The following CACYBP variants were observed in gnomAD, a reference collection of about 807,000 sequenced individuals.
The protein encoded by CACYBP is calcyclin binding protein, also known as calcyclin-binding protein.
Under a neutral mutation model 29.6 loss-of-function variants are expected in CACYBP, and 11 were observed. That is an observed-to-expected ratio of 0.37 (90% CI 0.23 to 0.61). The LOEUF is 0.61. Ranked by LOEUF, CACYBP falls within the 20% of genes least tolerant of loss-of-function variation. CACYBP has a pLI of 0.65. For synonymous variants in CACYBP, 73 were observed against 88.3 expected (o/e 0.83, Z 0.97); for missense variants, 163 against 260.7 (o/e 0.63, Z 2.58).
intron 1 of CACYBP, among the ~76,000 whole-genome samples, chr1:175,002,255 C>G (rs935185787): frequency 6.6e-6 from 1 of 152,160 alleles, no homozygotes; most frequent in Non-Finnish European, 1.5e-5. Context: ...GAAAGTTTCT[C>G]CACATCATTA....
rs921379735 is a variant in CACYBP at position 175,000,023 on chromosome 1, G to T, written c.-158G>T. On this transcript the variant is annotated 5_prime_UTR_variant, in exon 1 of 6. Transcript: ENST00000367679. Reference sequence around the variant, plus strand: ...GTTCGAGATCCGTCGCGTGCGGGAGGCGGGCCGCGATCTTGCGCAGGGTCG... The same window carrying T: ...GTTCGAGATCCGTCGCGTGCGGGAGTCGGGCCGCGATCTTGCGCAGGGTCG... 9.4e-6 allele frequency: 10 copies of T among 1,063,102 alleles called. No individual in the cohort carries two copies. The highest frequency in any genetic ancestry group is 8.3e-6 in the Non-Finnish European group (6 of 720,082). The allele number at this position is 1,063,102 out of a possible 1,614,324, so 65.9% of individuals were successfully genotyped here.
chr1:175,002,747 C>A (rs6425311), intron 1 of CACYBP, among the ~76,000 whole-genome samples: 1 of 152,014 alleles, frequency 6.6e-6, no homozygotes, highest in Admixed American at 6.5e-5. Flanking sequence ...GTGGATACTT[C>A]ATAATAAAAA....
intron 5 of CACYBP, among the ~76,000 whole-genome samples, chr1:175,009,239 T>A (rs1169969320): frequency 6.6e-6 from 1 of 152,104 alleles, no homozygotes; most frequent in Non-Finnish European, 1.5e-5. Context: ...TCAGGGTACA[T>A]CCATGTGTAA....
In CACYBP at chr1:175,010,282, T is replaced by A; in HGVS notation, c.*203T>A. The A allele has an allele frequency of 2.4e-6, 1 of 416,496 alleles. No individual in the cohort carries two copies. Among genetic ancestry groups the A allele is most frequent in the Non-Finnish European group, 4.3e-6 (1 of 234,132 alleles). 25.8% of individuals were successfully genotyped at this position (416,496 alleles called of 1,614,324 possible). On this transcript the variant is annotated 3_prime_UTR_variant, in exon 6 of 6. Coordinates refer to ENST00000367679, the MANE Select transcript of CACYBP (RefSeq NM_014412.3). ...ATTAAACACTCCTGCAAAGATGGTT[T>A]TATTAGTACCCTGGTCATTTTGTTC... is the stretch of plus-strand genomic sequence containing the variant.
At chr1:175,006,718 C>T (rs371245913) in intron 2 of CACYBP, 27 bp from the exon 3 acceptor site, 8 of 1,173,454 alleles carry the variant, frequency 6.8e-6, no homozygotes, top group African/African-American at 6.0e-5. Flanking sequence ...GGCTTACTTA[C>T]GTCCCATCTT....
rs1182437312 is a variant in CACYBP at position 175,010,811 on chromosome 1, T to TATG, written c.*735_*737dup. The TATG allele has an allele frequency of 6.6e-6, 1 of 152,206 alleles. No individual in the cohort carries two copies. Among genetic ancestry groups the TATG allele is most frequent in the African/African-American group, 2.4e-5 (1 of 41,456 alleles). 9.4% of individuals were successfully genotyped at this position (152,206 alleles called of 1,614,324 possible). On this transcript the variant is annotated 3_prime_UTR_variant, in exon 6 of 6. Transcript: ENST00000367679. The stretch of plus-strand genomic sequence containing the variant: ...AAGTTTTTCTTCATTAGAACAGTTT[T>TATG]ATGATTTATTTGTCTAGGAGTATGT...
chr1:175,008,756 C>G (rs768110141), intron 5 of CACYBP, 50 bp downstream of exon 5: 19 of 895,400 alleles, frequency 2.1e-5, no homozygotes, highest in African/African-American at 3.3e-5. Flanking sequence ...TGTTTGAGAT[C>G]ATGGATTTTT....
Position 175,004,832 on chromosome 1 carries a change from T to C in CACYBP, c.234T>C (p.Tyr78=), listed in dbSNP as rs765785022. The change falls in exon 2 of 6, where the codon TAT becomes TAC. Residue 78 remains tyrosine, a splice_region_variant and synonymous_variant. Coordinates refer to ENST00000367679, the MANE Select transcript of CACYBP (RefSeq NM_014412.3). ...GCTATACGGTGAAAATCAGTAATTA[T>C]GGTATGACTTGCTTCCCTATAGCCA... ...TTGYTVKISN[Y]GWDQSDKFVK... is the part of the protein sequence containing the mutation. 1.0e-5 allele frequency: 16 copies of C among 1,594,458 alleles called. No individual in the cohort carries two copies. In the South Asian group the frequency reaches 1.7e-4, roughly 16 times the overall value.
Position 175,006,047 on chromosome 1 carries a change from T to C in CACYBP, c.236-698T>C, listed in dbSNP as rs184342838. Among the ~76,000 whole-genome samples, 418 of 152,332 alleles carry C rather than the reference T, an allele frequency of 2.7e-3. 4 individuals are homozygous for C. Among genetic ancestry groups the C allele is most frequent in the African/African-American group, 9.7e-3 (403 of 41,586 alleles). ...ATAGTCAGGGATATGTATGTATATATTCTTGATAAACAGAAGATGCTTTTT... is the reference window on the plus strand; with the variant it reads ...ATAGTCAGGGATATGTATGTATATACTCTTGATAAACAGAAGATGCTTTTT... On this transcript the variant is annotated intron_variant, in intron 2 of 5. Transcript: ENST00000367679.
rs1459744153 is a variant in CACYBP at position 175,011,103 on chromosome 1, C to CATTA, written c.*1026_*1029dup. The CATTA allele has an allele frequency of 1.3e-5, 1 of 79,362 alleles. No individual in the cohort carries two copies. Among genetic ancestry groups the CATTA allele is most frequent in the Non-Finnish European group, 2.3e-5 (1 of 44,156 alleles). 4.9% of individuals were successfully genotyped at this position (79,362 alleles called of 1,614,324 possible). ...TGGGTAACAGATTGAGAACCTGTCTCATTAAAAAAAAAAAAAAAAAAAAAG... is the reference window on the plus strand; with the variant it reads ...TGGGTAACAGATTGAGAACCTGTCTCATTAATTAAAAAAAAAAAAAAAAAAAAAG... On this transcript the variant is annotated 3_prime_UTR_variant, in exon 6 of 6. Transcript: ENST00000367679.
intron 1 of CACYBP, chr1:175,000,648 A>C: frequency 2.0e-6 from 2 of 1,012,182 alleles, no homozygotes; most frequent in Non-Finnish European, 2.4e-6. Flanking sequence ...GGTTTTCTCT[A>C]CACACGAGGA....
In CACYBP at chr1:175,004,728, A is replaced by AT; in HGVS notation, c.131dup (p.Met44IlefsTer13). ...GATTGAGACAGAAATCAAGAACAAG[A>AT]TGCAACAGAAATCACAGAAGAAAGC... On this transcript the variant is annotated frameshift_variant, in exon 2 of 6. Coordinates refer to ENST00000367679, the MANE Select transcript of CACYBP (RefSeq NM_014412.3). LOFTEE classifies it high-confidence loss of function. The AT allele has an allele frequency of 6.2e-7, 1 of 1,613,940 alleles. No homozygotes were observed. The highest frequency in any genetic ancestry group is 8.5e-7 in the Non-Finnish European group (1 of 1,179,784).
At chr1:175,006,318 C>A (rs141541709) in intron 2 of CACYBP, among the ~76,000 whole-genome samples, 1 of 152,136 alleles carries the variant, frequency 6.6e-6, no homozygotes, top group African/African-American at 2.4e-5. Context: ...TGACTACTTA[C>A]AGAAGTAGAA....
At chr1:175,005,084 C>T (rs891452068) in intron 2 of CACYBP, 2 of 464,654 alleles carry the variant, frequency 4.3e-6, no homozygotes, top group East Asian at 3.9e-5. Flanking sequence ...TGAAATTGTT[C>T]AGTATAAGAC....
rs1672750785 is a variant in CACYBP, at chr1:175,011,323, A to G, written c.*1244A>G. ...GAACAGAATAGCAGACACAATGCAT[A>G]TGAAAGTTACAGAATATGGTAAAAG... On this transcript the variant is annotated 3_prime_UTR_variant, in exon 6 of 6. Coordinates refer to ENST00000367679, the MANE Select transcript of CACYBP (RefSeq NM_014412.3). The G allele has an allele frequency of 6.6e-6, 1 of 152,184 alleles. No homozygotes were observed. The highest frequency in any genetic ancestry group is 2.4e-5 in the African/African-American group (1 of 41,418). 9.4% of individuals were successfully genotyped at this position (152,184 alleles called of 1,614,324 possible).
At chr1:175,007,308 C>T (rs771722910) in intron 4 of CACYBP, 111 bp downstream of exon 4, 8 of 654,818 alleles carry the variant, frequency 1.2e-5, no homozygotes, top group East Asian at 5.4e-5. Context: ...CAGGGACCAC[C>T]GCCTGTTTTG....
chr1:175,008,551 T>C lies in CACYBP; in HGVS notation c.433-58T>C, dbSNP rs539892444. 39 of 817,530 alleles carry C rather than the reference T, an allele frequency of 4.8e-5. No homozygotes were observed. The East Asian group carries it at 8.3e-4, about 17-fold the overall frequency. 50.6% of individuals were successfully genotyped at this position (817,530 alleles called of 1,614,324 possible). On this transcript the variant is annotated intron_variant, in intron 4 of 5. Coordinates refer to ENST00000367679, the MANE Select transcript of CACYBP (RefSeq NM_014412.3). Reference sequence around the variant, plus strand: ...ATTGAATAGATAATTGTTTTATAAATATTCATGCTTATCTCCATGTCTTCT... The same window carrying C: ...ATTGAATAGATAATTGTTTTATAAACATTCATGCTTATCTCCATGTCTTCT...
chr1:175,007,629 C>G (rs182367882), intron 4 of CACYBP, among the ~76,000 whole-genome samples: 1 of 152,242 alleles, frequency 6.6e-6, no homozygotes, highest in East Asian at 1.9e-4. Context: ...CACTCTGTGC[C>G]TCAGTTTCTG....
At chr1:175,004,537 G>T (rs1672568131) in intron 1 of CACYBP, 77 bp from the exon 2 acceptor site, 1 of 859,018 alleles carries the variant, frequency 1.2e-6, no homozygotes, top group African/African-American at 1.7e-5. Flanking sequence ...ATTTCAGTAA[G>T]TTGAAATGAG....
Sources: gnomAD v4.1 joint callset for allele counts (sites outside exome capture counted in the v4.1 genomes callset) on GRCh38, gnomAD v4.1.1 for gene constraint, MANE v1.5 for transcripts, NCBI Gene and HGNC (gene_info 2026-07-23, HGNC 2026-07-21) for gene names.